FASTKD1: variants seen among roughly 807,000 people sequenced by gnomAD.
FASTKD1 encodes FAST kinase domain-containing protein 1, mitochondrial.
Under a neutral mutation model 90.9 loss-of-function variants are expected in FASTKD1, and 94 were observed. That is an observed-to-expected ratio of 1.03 (90% CI 0.88 to 1.23). The LOEUF (loss-of-function observed/expected upper bound fraction) is 1.23, where lower values mean the gene tolerates loss of function less well. Ranked by LOEUF, FASTKD1 falls within the 50% of genes most tolerant of loss-of-function variation. FASTKD1 has a pLI of 0.00. For synonymous variants in FASTKD1, 319 were observed against 345.8 expected (o/e 0.92, Z 0.86); for missense variants, 945 against 993.5 (o/e 0.95, Z 0.66).
Position 169,540,181 on chromosome 2 carries a change from T to G in FASTKD1, c.1817-2A>C, listed in dbSNP as rs1234125794. ...CTAATATAAAAGGATCCAATATACCTAAAAGAAAATTAAGATTTTTTTAAA... is the reference window on the plus strand; with the variant it reads ...CTAATATAAAAGGATCCAATATACCGAAAAGAAAATTAAGATTTTTTTAAA... On this transcript the variant is annotated splice_acceptor_variant, in intron 9 of 14. Coordinates refer to ENST00000453153, the MANE Select transcript of FASTKD1 (RefSeq NM_024622.6). LOFTEE classifies it high-confidence loss of function. The G allele has an allele frequency of 6.5e-7, 1 of 1,536,708 alleles. No homozygotes were observed. The highest frequency in any genetic ancestry group is 8.9e-7 in the Non-Finnish European group (1 of 1,127,178).
At chr2:169,567,195 A>C (rs1183891699) in intron 3 of FASTKD1, among the ~76,000 whole-genome samples, 2 of 152,218 alleles carry the variant, frequency 1.3e-5, no homozygotes, top group Admixed American at 1.3e-4. Context: ...AGAAAAATTT[A>C]AAAGAAATGC....
intron 5 of FASTKD1, among the ~76,000 whole-genome samples, chr2:169,559,583 A>G (rs951622118): frequency 2.0e-5 from 3 of 152,040 alleles, no homozygotes; most frequent in African/African-American, 7.2e-5. Context: ...ACATCTGGCT[A>G]ATTTTGTATT....
chr2:169,550,491 T>C (rs551998363), intron 7 of FASTKD1, among the ~76,000 whole-genome samples: 6 of 152,298 alleles, frequency 3.9e-5, no homozygotes, highest in African/African-American at 1.4e-4. Flanking sequence ...TTTCTTTTCT[T>C]TTTTAGAGAT....
chr2:169,560,881 C>T lies in FASTKD1; in HGVS notation c.573-96G>A, dbSNP rs1270127530. The stretch of plus-strand genomic sequence containing the variant: ...TTTTTTTTGTAGAAACAGAGTCTTG[C>T]TATGTTGCCAGGGCTGGTCTCAAAC... On this transcript the variant is annotated intron_variant, in intron 4 of 14. Transcript: ENST00000453153. The T allele has an allele frequency of 8.4e-5, 87 of 1,030,062 alleles. 1 individual carries two copies. The South Asian group carries it at 1.0e-3, about 12-fold the overall frequency. The allele number at this position is 1,030,062 out of a possible 1,614,324, so 63.8% of individuals were successfully genotyped here. A position where few individuals can be genotyped will look rare whatever the true frequency, so the allele number is the denominator to read the frequency against.
At chr2:169,563,414 T>G (rs1164897565) in intron 3 of FASTKD1, 64 bp from the exon 4 acceptor site, 2 of 1,172,462 alleles carry the variant, frequency 1.7e-6, no homozygotes, top group Admixed American at 5.4e-5. Flanking sequence ...ACATAATATA[T>G]AGTTATAAAA....
Position 169,546,250 on chromosome 2 carries a change from T to C in FASTKD1, c.1669A>G (p.Ile557Val), listed in dbSNP as rs1464505672. The change falls in exon 8 of 15, where the codon ATA becomes GTA. Residue 557 changes from isoleucine to valine, a missense_variant. Coordinates refer to ENST00000453153, the MANE Select transcript of FASTKD1 (RefSeq NM_024622.6). ...ATCTGCTGAACAGCCACTGAGGCTA[T>C]CCTATCTAGTAGCAAAGTACTGAGG... ...DYLSTLLLDR[I>V]ASVAVQQIEK... The C allele has an allele frequency of 5.6e-6, 9 of 1,603,000 alleles. No individual in the cohort carries two copies. The Admixed American group carries it at 1.5e-4, about 27-fold the overall frequency.
At chr2:169,569,137 C>G (rs772525349) in intron 3 of FASTKD1, 47 bp downstream of exon 3, 1 of 1,508,056 alleles carries the variant, frequency 6.6e-7, no homozygotes, top group Non-Finnish European at 9.2e-7. Flanking sequence ...CTCTGTTAAC[C>G]CTGAAAAGAA....
At chr2:169,547,672 G>C (rs1025136568) in intron 7 of FASTKD1, among the ~76,000 whole-genome samples, 3 of 151,998 alleles carry the variant, frequency 2.0e-5, no homozygotes, top group Non-Finnish European at 2.9e-5. Context: ...AAGGACAGGG[G>C]TTCGAGACCA....
At chr2:169,536,118 A>AT (rs1684713472) in intron 12 of FASTKD1, among the ~76,000 whole-genome samples, 1 of 152,222 alleles carries the variant, frequency 6.6e-6, no homozygotes, top group Non-Finnish European at 1.5e-5. Context: ...CTATAAAAAA[A>AT]TTAAAATAAA....
chr2:169,563,683 A>C (rs1455349815), intron 3 of FASTKD1, among the ~76,000 whole-genome samples: 1 of 152,150 alleles, frequency 6.6e-6, no homozygotes, highest in Non-Finnish European at 1.5e-5. Context: ...AAATAATCCA[A>C]TTTCTTCAAC....
chr2:169,572,751 A>G (rs1251422116), intron 1 of FASTKD1, among the ~76,000 whole-genome samples: 1 of 152,144 alleles, frequency 6.6e-6, no homozygotes, highest in Non-Finnish European at 1.5e-5. Context: ...TTAAAGCACC[A>G]ATCAAGAAAT....
chr2:169,559,396 T>C (rs907672311), intron 5 of FASTKD1, among the ~76,000 whole-genome samples: 1 of 152,226 alleles, frequency 6.6e-6, no homozygotes, highest in Admixed American at 6.5e-5. Flanking sequence ...ATCATACTTA[T>C]GTGTTAGGAC....
At chr2:169,562,071 A>T (rs1683708837) in intron 4 of FASTKD1, among the ~76,000 whole-genome samples, 3 of 120,944 alleles carry the variant, frequency 2.5e-5, no homozygotes, top group Non-Finnish European at 3.4e-5. Flanking sequence ...ATTTATTGTA[A>T]AATAATTATT....
intron 3 of FASTKD1, 91 bp from the exon 4 acceptor site, chr2:169,563,441 T>C (rs1318642400): frequency 2.1e-6 from 2 of 938,798 alleles, no homozygotes; most frequent in Non-Finnish European, 2.9e-6. Flanking sequence ...GCAATCAAAA[T>C]AGTAAATTAC....
At chr2:169,538,994 G>A (rs1056524704) in intron 10 of FASTKD1, among the ~76,000 whole-genome samples, 11 of 152,082 alleles carry the variant, frequency 7.2e-5, no homozygotes, top group East Asian at 1.9e-4. Flanking sequence ...GGGGCCAGGT[G>A]TGGGGGCTCA....
At chr2:169,563,715 A>G (rs1683821830) in intron 3 of FASTKD1, among the ~76,000 whole-genome samples, 1 of 152,184 alleles carries the variant, frequency 6.6e-6, no homozygotes, top group African/African-American at 2.4e-5. Flanking sequence ...AAGACAAAAG[A>G]GAGGAAAAAG....
At chr2:169,570,065 C>A (rs1482402714) in intron 2 of FASTKD1, among the ~76,000 whole-genome samples, 1 of 152,128 alleles carries the variant, frequency 6.6e-6, no homozygotes, top group African/African-American at 2.4e-5. Flanking sequence ...AGCCCCTTTC[C>A]TATAAATGCC....
At chr2:169,546,806 A>T (rs1685228974) in intron 7 of FASTKD1, 102 bp from the exon 8 acceptor site, 1 of 1,198,118 alleles carries the variant, frequency 8.3e-7, no homozygotes, top group African/African-American at 1.6e-5. Flanking sequence ...TAAGATGATG[A>T]TTCAAAAAAA....
At chr2:169,548,687 ACG>A (rs1203729980) in intron 7 of FASTKD1, among the ~76,000 whole-genome samples, 93 of 122,206 alleles carry the variant, frequency 7.6e-4, no homozygotes, top group Middle Eastern at 6.2e-3. Context: ...AGCCGAGATC[ACG>A]CCACTGCACT....
Sources: gnomAD v4.1 joint callset for allele counts (sites outside exome capture counted in the v4.1 genomes callset) on GRCh38, gnomAD v4.1.1 for gene constraint, MANE v1.5 for transcripts, NCBI Gene and HGNC (gene_info 2026-07-23, HGNC 2026-07-21) for gene names.